PTPRD: variants seen among roughly 807,000 people sequenced by gnomAD.
PTPRD encodes the protein protein tyrosine phosphatase receptor type D, also known as receptor-type tyrosine-protein phosphatase delta.
In PTPRD, 34 loss-of-function variants were observed where a neutral mutation model predicts 214.5. The observed-to-expected ratio is 0.16, with a 90% CI of 0.12 to 0.21. The LOEUF is 0.21. Ranked by LOEUF, PTPRD falls within the 10% of genes least tolerant of loss-of-function variation. PTPRD has a pLI of 1.00. For missense variants in PTPRD, 2,545 were observed against 2,398.7 expected (o/e 1.06, Z -1.27); for synonymous variants, 1,128 against 845.7 (o/e 1.33, Z -5.79).
intron 5 of PTPRD, among the ~76,000 whole-genome samples, chr9:9,819,248 C>T (rs1032770734): frequency 9.9e-5 from 15 of 152,134 alleles, no homozygotes; most frequent in Non-Finnish European, 2.1e-4. Context: ...GCTGGAGTAT[C>T]GGCAGAAATT....
intron 9 of PTPRD, among the ~76,000 whole-genome samples, chr9:9,226,960 C>A (rs1415342048): frequency 1.3e-5 from 2 of 152,042 alleles, no homozygotes; most frequent in African/African-American, 2.4e-5. Context: ...GACTTTAATT[C>A]ACAACCAAAA....
At chr9:9,330,860 T>C (rs2136527060) in intron 9 of PTPRD, among the ~76,000 whole-genome samples, 3 of 151,910 alleles carry the variant, frequency 2.0e-5, no homozygotes, top group South Asian at 4.2e-4. Flanking sequence ...GTAATATTGA[T>C]TTATTAAAAA....
At chr9:9,672,216 T>C (rs1443623740) in intron 7 of PTPRD, among the ~76,000 whole-genome samples, 1 of 152,178 alleles carries the variant, frequency 6.6e-6, no homozygotes, top group Non-Finnish European at 1.5e-5. Context: ...AACCACAATA[T>C]AATTTTCTGA....
At chr9:8,573,173 A>G (rs2091596238) in intron 14 of PTPRD, among the ~76,000 whole-genome samples, 1 of 152,010 alleles carries the variant, frequency 6.6e-6, no homozygotes, top group Admixed American at 6.6e-5. Flanking sequence ...GAATGAATGC[A>G]TGACAACTCA....
chr9:10,388,407 A>G (rs1235529327), intron 2 of PTPRD, among the ~76,000 whole-genome samples: 1 of 151,520 alleles, frequency 6.6e-6, no homozygotes, highest in Non-Finnish European at 1.5e-5. Context: ...AAATCTGTCA[A>G]CTCAAGGAGA....
chr9:9,825,895 C>CT (rs1565553025), intron 5 of PTPRD, among the ~76,000 whole-genome samples: 1 of 151,444 alleles, frequency 6.6e-6, no homozygotes, highest in African/African-American at 2.4e-5. Flanking sequence ...CACATTTATT[C>CT]TTTTTTCTTT....
intron 5 of PTPRD, chr9:9,799,290 G>A (rs1053440131): frequency 1.3e-5 from 2 of 152,058 alleles, no homozygotes; most frequent in Admixed American, 6.6e-5. Context: ...TACAGAGAGA[G>A]CAATTATAGA....
At chr9:8,508,691 T>C (rs2137611546) in intron 21 of PTPRD, among the ~76,000 whole-genome samples, 1 of 152,288 alleles carries the variant, frequency 6.6e-6, no homozygotes, top group Non-Finnish European at 1.5e-5. Context: ...ATACATATAA[T>C]ACAGTATAAT....
intron 7 of PTPRD, among the ~76,000 whole-genome samples, chr9:9,687,308 C>T (rs2097182836): frequency 6.6e-6 from 1 of 151,770 alleles, no homozygotes; most frequent in Admixed American, 6.6e-5. Context: ...ATAAACCTTA[C>T]ACAGGTGGGA....
intron 9 of PTPRD, among the ~76,000 whole-genome samples, chr9:9,384,257 T>C (rs7874830): frequency 0.028 from 4,183 of 150,552 alleles, 117 homozygotes; most frequent in African/African-American, 0.071. Context: ...CGGTGTACCA[T>C]GTTGTGTATT....
At chr9:8,508,727 G>A (rs1341442722) in intron 21 of PTPRD, among the ~76,000 whole-genome samples, 1 of 152,118 alleles carries the variant, frequency 6.6e-6, no homozygotes, top group Non-Finnish European at 1.5e-5. Flanking sequence ...AGCCTTTGGA[G>A]AAAATGTATT....
At chr9:8,539,095 A>T (rs1051543838) in intron 14 of PTPRD, among the ~76,000 whole-genome samples, 8 of 152,060 alleles carry the variant, frequency 5.3e-5, no homozygotes, top group Admixed American at 2.6e-4. Flanking sequence ...GGACAACTTG[A>T]ACACGAAAAT....
chr9:8,950,048 A>C (rs2154303843), intron 11 of PTPRD, among the ~76,000 whole-genome samples: 1 of 152,304 alleles, frequency 6.6e-6, no homozygotes, highest in African/African-American at 2.4e-5. Flanking sequence ...ATCGTGTTGC[A>C]ATTCTACAAA....
At chr9:8,425,615 A>G (rs1368343337) in intron 35 of PTPRD, among the ~76,000 whole-genome samples, 1 of 152,122 alleles carries the variant, frequency 6.6e-6, no homozygotes, top group Non-Finnish European at 1.5e-5. Context: ...ACTCTCGTCA[A>G]TATTGTCCCA....
intron 8 of PTPRD, among the ~76,000 whole-genome samples, chr9:9,544,642 A>G (rs1045852566): frequency 6.6e-6 from 1 of 151,664 alleles, no homozygotes; most frequent in African/African-American, 2.4e-5. Context: ...ATCTACATGC[A>G]CTTTTTGCTT....
chr9:9,049,885 A>T (rs2099681344), intron 10 of PTPRD, among the ~76,000 whole-genome samples: 1 of 152,332 alleles, frequency 6.6e-6, no homozygotes, highest in East Asian at 1.9e-4. Flanking sequence ...AAAAGACCCC[A>T]ACTTTGAGAT....
intron 5 of PTPRD, among the ~76,000 whole-genome samples, chr9:9,801,669 T>G (rs1395935184): frequency 1.3e-5 from 2 of 152,114 alleles, no homozygotes; most frequent in African/African-American, 4.8e-5. Context: ...ATAATTGTTT[T>G]GAGTTTATAG....
At chr9:10,260,290 C>T (rs995478162) in intron 3 of PTPRD, among the ~76,000 whole-genome samples, 13 of 152,188 alleles carry the variant, frequency 8.5e-5, no homozygotes, top group South Asian at 4.1e-4. Flanking sequence ...GAACCTTACC[C>T]GGCCCAAGAA....
chr9:8,576,868 A>G (rs1453795068), intron 14 of PTPRD, among the ~76,000 whole-genome samples: 1 of 152,142 alleles, frequency 6.6e-6, no homozygotes, highest in East Asian at 1.9e-4. Flanking sequence ...GGCAATATTC[A>G]ACTGCTATTG....
Sources: gnomAD v4.1 joint callset for allele counts (sites outside exome capture counted in the v4.1 genomes callset) on GRCh38, gnomAD v4.1.1 for gene constraint, MANE v1.5 for transcripts, NCBI Gene and HGNC (gene_info 2026-07-23, HGNC 2026-07-21) for gene names.